The following XRCC5 variants were observed in gnomAD, a reference collection of about 807,000 sequenced individuals.
The protein encoded by XRCC5 is DNA repair protein Ku80.
A neutral mutation model predicts 95.7 loss-of-function variants in XRCC5; 12 were observed. The observed-to-expected ratio is 0.13, with a 90% confidence interval of 0.08 to 0.20. The LOEUF is 0.20. Among genes scored for constraint, XRCC5 ranks in the 10% least tolerant of loss-of-function variants. XRCC5 has a pLI of 1.00. For missense variants in XRCC5, 595 were observed against 873.9 expected (o/e 0.68, Z 4.02); for synonymous variants, 281 against 290.3 (o/e 0.97, Z 0.33).
chr2:216,115,791 A>T (rs745571221), intron 2 of XRCC5, among the ~76,000 whole-genome samples: 1 of 148,746 alleles, frequency 6.7e-6, no homozygotes, highest in Non-Finnish European at 1.5e-5. Flanking sequence ...TGTAAATCCT[A>T]ATGTTTCATA....
At position 216,162,010 on chromosome 2, in the gene XRCC5, G is replaced by A. The variant is rs55943434; in HGVS notation, c.1796G>A (p.Arg599His). 50 of 1,614,192 alleles carry A rather than the reference G, an allele frequency of 3.1e-5. No individual in the cohort carries two copies. The African/African-American group carries it at 3.3e-4, about 11-fold the overall frequency. ...AGTGTGAATCCTGCTGAAAACTTCC[G>A]TGTTCTAGTGAAACAGAAGAAGGCC... is the stretch of plus-strand genomic sequence containing the variant. The part of the protein sequence containing the change: ...VGSVNPAENF[R>H]VLVKQKKASF... Residue 599 changes from arginine to histidine, a missense_variant, in exon 16 of 21, where the codon CGT (arginine) becomes CAT (histidine). By Grantham distance (29) the Arg-to-His change is conservative. Coordinates refer to ENST00000392132, the MANE Select transcript of XRCC5 (RefSeq NM_021141.4).
intron 16 of XRCC5, among the ~76,000 whole-genome samples, chr2:216,171,981 C>G (rs555642265): frequency 6.6e-5 from 10 of 152,306 alleles, no homozygotes; most frequent in African/African-American, 2.2e-4. Flanking sequence ...GAACATTTCT[C>G]TCACACCCAA....
intron 12 of XRCC5, 140 bp from the exon 13 acceptor site, chr2:216,141,046 G>C (rs969648999): frequency 3.3e-6 from 3 of 904,284 alleles, no homozygotes; most frequent in Admixed American, 2.7e-5. Flanking sequence ...GGTTAAATAC[G>C]TGCATAGCTA....
intron 14 of XRCC5, among the ~76,000 whole-genome samples, chr2:216,154,100 T>G (rs1384220313): frequency 6.6e-6 from 1 of 152,268 alleles, no homozygotes; most frequent in Non-Finnish European, 1.5e-5. Context: ...AAGGTTAGTC[T>G]GGTGGCTAAT....
chr2:216,163,306 T>C (rs1574473248), intron 16 of XRCC5, among the ~76,000 whole-genome samples: 1 of 151,908 alleles, frequency 6.6e-6, no homozygotes, highest in East Asian at 1.9e-4. Context: ...GGCCAAAAAT[T>C]ACTTTTTTTC....
At chr2:216,175,501 C>G (rs1689255578) in intron 16 of XRCC5, 1 of 474,796 alleles carries the variant, frequency 2.1e-6, no homozygotes, top group South Asian at 1.6e-5. Flanking sequence ...ACAGTTTTAT[C>G]AATTGTATCA....
At chr2:216,173,535 C>T (rs1328210323) in intron 16 of XRCC5, among the ~76,000 whole-genome samples, 4 of 152,186 alleles carry the variant, frequency 2.6e-5, no homozygotes, top group South Asian at 2.1e-4. Flanking sequence ...ATCAACCTTG[C>T]ATTCCAAGTA....
intron 16 of XRCC5, among the ~76,000 whole-genome samples, chr2:216,181,708 CTT>C (rs942911433): frequency 6.6e-6 from 1 of 152,130 alleles, no homozygotes; most frequent in Non-Finnish European, 1.5e-5. Flanking sequence ...CTCCATCTGG[CTT>C]TTTTGGTTTT....
rs368541317 is a variant in XRCC5 at position 216,191,703 on chromosome 2, G to T, written c.1945-936G>T. Among the ~76,000 whole-genome samples the T allele has an allele frequency of 1.9e-4, 29 of 152,244 alleles. No homozygotes were observed. The East Asian group carries it at 3.7e-3, about 19-fold the overall frequency. On this transcript the variant is annotated intron_variant, in intron 17 of 20. Transcript: ENST00000392132. ...TGGGATTACAGGGGTGAGCCACTGCGCCCGGCCAAGGGATATTTTTTGAAC... is the reference window on the plus strand; with the variant it reads ...TGGGATTACAGGGGTGAGCCACTGCTCCCGGCCAAGGGATATTTTTTGAAC...
intron 5 of XRCC5, among the ~76,000 whole-genome samples, chr2:216,121,284 T>A (rs1421740568): frequency 3.9e-5 from 6 of 152,258 alleles, no homozygotes; most frequent in Non-Finnish European, 1.5e-5. Flanking sequence ...ATGCTGTATT[T>A]GCTAAGTATA....
intron 16 of XRCC5, among the ~76,000 whole-genome samples, chr2:216,184,296 A>G (rs1391126917): frequency 6.6e-6 from 1 of 152,216 alleles, no homozygotes; most frequent in Non-Finnish European, 1.5e-5. Flanking sequence ...AGTGAAAACA[A>G]TATTTTTTTA....
intron 14 of XRCC5, among the ~76,000 whole-genome samples, chr2:216,151,008 G>A (rs1688735259): frequency 6.6e-6 from 1 of 152,194 alleles, no homozygotes; most frequent in South Asian, 2.1e-4. Flanking sequence ...GACCACCATT[G>A]TATATGTGGC....
intron 16 of XRCC5, chr2:216,175,204 C>CAGATATT: frequency 2.7e-6 from 1 of 374,034 alleles, no homozygotes; most frequent in Non-Finnish European, 5.2e-6. Flanking sequence ...AGGCCCACCA[C>CAGATATT]CATTGTTGCC....
chr2:216,162,551 A>G (rs1688973121), intron 16 of XRCC5, among the ~76,000 whole-genome samples: 2 of 151,870 alleles, frequency 1.3e-5, no homozygotes, highest in African/African-American at 4.8e-5. Flanking sequence ...ACAGGCGTGC[A>G]CCACCATGCC....
At chr2:216,156,701 G>T in intron 14 of XRCC5, 1 of 540,044 alleles carries the variant, frequency 1.9e-6, no homozygotes, top group South Asian at 1.4e-5. Flanking sequence ...TCCATGATTT[G>T]TACTACACAG....
At chr2:216,204,120 C>T (rs1689896321) in intron 19 of XRCC5, 1 of 583,564 alleles carries the variant, frequency 1.7e-6, no homozygotes, top group Non-Finnish European at 3.1e-6. Flanking sequence ...TTAGTATGGA[C>T]TACTTGAACC....
chr2:216,152,221 G>C lies in XRCC5; in HGVS notation c.1670+3945G>C, dbSNP rs564318650. Among the ~76,000 whole-genome samples the C allele has an allele frequency of 3.9e-5, 6 of 152,224 alleles. No individual in the cohort carries two copies. In the East Asian group the frequency reaches 9.7e-4, roughly 25 times the overall value. On this transcript the variant is annotated intron_variant, in intron 14 of 20. Coordinates refer to ENST00000392132, the MANE Select transcript of XRCC5 (RefSeq NM_021141.4). ...GGAGGCCAAGGCAGGTGGATTACTT[G>C]AGGTCAGGAGTTCCAGACCAGCCTG... is the stretch of plus-strand genomic sequence containing the variant.
At chr2:216,143,545 C>T (rs1414694115) in intron 13 of XRCC5, among the ~76,000 whole-genome samples, 2 of 152,110 alleles carry the variant, frequency 1.3e-5, no homozygotes, top group Non-Finnish European at 2.9e-5. Context: ...CTGCTGCAAG[C>T]ACGGGCTTTG....
intron 8 of XRCC5, among the ~76,000 whole-genome samples, chr2:216,129,660 C>T (rs1696950112): frequency 6.6e-6 from 1 of 152,118 alleles, no homozygotes; most frequent in Non-Finnish European, 1.5e-5. Context: ...TTAAAAAAGA[C>T]ATACATGGAA....
Sources: allele counts gnomAD v4.1 joint callset (sites outside exome capture counted in the v4.1 genomes callset), GRCh38; gene constraint gnomAD v4.1.1; transcripts MANE v1.5; gene names NCBI Gene and HGNC (gene_info 2026-07-23, HGNC 2026-07-21).